The following RCC1 variants were observed in gnomAD, a reference collection of about 807,000 sequenced individuals.
RCC1 encodes regulator of chromosome condensation 1.
Under a neutral mutation model 44.4 loss-of-function variants are expected in RCC1, and 11 were observed. The observed-to-expected ratio is 0.25, with a 90% CI of 0.16 to 0.41. RCC1 has a LOEUF of 0.41. Among genes scored for constraint, RCC1 ranks in the 10% least tolerant of loss-of-function variants. The pLI is 1.00. For synonymous variants in RCC1, 213 were observed against 216.5 expected (o/e 0.98, Z 0.14); for missense variants, 386 against 547.1 (o/e 0.71, Z 2.94).
At chr1:28,532,863 T>C (rs901873526) in intron 7 of RCC1, 1 of 385,014 alleles carries the variant, frequency 2.6e-6, no homozygotes, top group Non-Finnish European at 5.2e-6. Context: ...TTGCCCAGGC[T>C]GGAGTGCAAT....
intron 7 of RCC1, among the ~76,000 whole-genome samples, chr1:28,533,770 C>CAAA (rs747565890): frequency 3.1e-5 from 1 of 31,970 alleles, no homozygotes; most frequent in Admixed American, 5.7e-4. Context: ...AACTCTGTCT[C>CAAA]AAAAAAAAAA....
chr1:28,535,569 TTCA>T, intron 9 of RCC1, 189 bp downstream of exon 9: 2 of 918,212 alleles, frequency 2.2e-6, no homozygotes, highest in Non-Finnish European at 3.4e-6. Context: ...ACATAGTTTC[TTCA>T]TCACTAAGTC....
chr1:28,530,695 G>A, intron 5 of RCC1: 1 of 1,228,258 alleles, frequency 8.1e-7, no homozygotes, highest in Non-Finnish European at 1.1e-6. Context: ...GGAGGGGCTG[G>A]GCGCCATTGG....
intron 2 of RCC1, 83 bp downstream of exon 2, chr1:28,508,243 TA>T (rs1662186347): frequency 2.5e-6 from 1 of 393,758 alleles, no homozygotes; most frequent in African/African-American, 2.1e-5. Flanking sequence ...AAGAGACTTT[TA>T]TTCTAGTTGG....
In RCC1 at chr1:28,532,315, G is replaced by T; in HGVS notation, c.406G>T (p.Asp136Tyr). The T allele has an allele frequency of 6.2e-7, 1 of 1,614,128 alleles. No homozygotes were observed. Among genetic ancestry groups the T allele is most frequent in the Non-Finnish European group, 8.5e-7 (1 of 1,180,032 alleles). Residue 136 changes from aspartate to tyrosine, a missense_variant, in exon 7 of 13, where the codon GAT becomes TAT. Physicochemically the swap from Asp to Tyr is radical, Grantham distance 160 (BLOSUM62 -3). Transcript: ENST00000683442. ...AGACAGTCACACAGCAGCCCTCACC[G>T]ATGATGGCCGTGTCTTCCTCTGGGG... ...AGDSHTAALT[D>Y]DGRVFLWGSF...
chr1:28,529,969 C>T, intron 5 of RCC1, 30 bp downstream of exon 5: 5 of 1,576,932 alleles, frequency 3.2e-6, no homozygotes, highest in East Asian at 2.3e-5. Context: ...TTTGTGGGTA[C>T]AGGTGGCCCC....
intron 2 of RCC1, chr1:28,508,574 T>C (rs1168185308): frequency 1.9e-6 from 1 of 518,568 alleles, no homozygotes; most frequent in African/African-American, 1.9e-5. Flanking sequence ...GTGGATACCC[T>C]GGGAGGTCAC....
At chr1:28,509,743 A>C (rs1662357127) in intron 3 of RCC1, 1 of 152,118 alleles carries the variant, frequency 6.6e-6, no homozygotes, top group African/African-American at 2.4e-5. Flanking sequence ...AGGCCCTGAA[A>C]CCTAGTCTCA....
intron 3 of RCC1, chr1:28,509,893 G>GGA: frequency 6.6e-6 from 1 of 152,312 alleles, no homozygotes; most frequent in Admixed American, 6.5e-5. Flanking sequence ...GTGTAGTGGA[G>GGA]GAAAAATCGA....
intron 3 of RCC1, among the ~76,000 whole-genome samples, chr1:28,512,041 CT>C (rs1662584038): frequency 7.0e-6 from 1 of 142,236 alleles, no homozygotes; most frequent in Admixed American, 7.5e-5. Flanking sequence ...GTGGCGTGAT[CT>C]CAGCTCACTG....
intron 5 of RCC1, chr1:28,530,426 C>A: frequency 8.6e-7 from 1 of 1,157,134 alleles, no homozygotes; most frequent in South Asian, 1.4e-5. Context: ...TTCCTCTGTC[C>A]TGGGACCCCG....
intron 1 of RCC1, chr1:28,507,739 T>C: frequency 2.9e-6 from 1 of 346,288 alleles, no homozygotes; most frequent in South Asian, 2.2e-5. Flanking sequence ...CCTGAGTAGC[T>C]GGGATTACAG....
At chr1:28,528,844 CTTTTTTTTT>C (rs59005617) in intron 4 of RCC1, among the ~76,000 whole-genome samples, 1 of 87,228 alleles carries the variant, frequency 1.1e-5, no homozygotes, top group Non-Finnish European at 2.1e-5. Context: ...GTTTTTCTTC[CTTTTTTTTT>C]TTTTTTTTTT....
chr1:28,518,204 C>G (rs916108082), intron 4 of RCC1: 14 of 151,892 alleles, frequency 9.2e-5, no homozygotes, highest in African/African-American at 3.4e-4. Context: ...CTTTGTTTTC[C>G]TTTCTCACCC....
chr1:28,529,483 C>T (rs916606663), intron 4 of RCC1, among the ~76,000 whole-genome samples: 3 of 152,004 alleles, frequency 2.0e-5, no homozygotes, highest in Admixed American at 1.3e-4. Context: ...CACACCTGGC[C>T]GTCTGTTTTT....
chr1:28,534,947 C>T lies in RCC1; in HGVS notation c.442-103C>T. 3.5e-6 allele frequency: 3 copies of T among 847,666 alleles called. No homozygotes were observed. The Admixed American group carries it at 5.2e-5, about 15-fold the overall frequency. The allele number at this position is 847,666 out of a possible 1,614,324, so 52.5% of individuals were successfully genotyped here. ...AAGTATTTGAGTATGTGGCCTGGCT[C>T]CTGCCCACTTCTCCATCCCCATCTG... On this transcript the variant is annotated intron_variant, in intron 7 of 12. Transcript: ENST00000683442.
In RCC1 at chr1:28,526,335, T is replaced by C. The variant is rs7529403; in HGVS notation, c.-9-3523T>C. On this transcript the variant is annotated intron_variant, in intron 4 of 12. Transcript: ENST00000683442. ...CAAAAACAAGTACTTGATGACTCCA[T>C]TGGGGTCAATTATGAAGAGACCTCT... 1,462 of 325,204 alleles carry C rather than the reference T, an allele frequency of 4.5e-3. 21 individuals are homozygous for C. The highest frequency in any genetic ancestry group is 0.03 in the African/African-American group (1,373 of 45,930). 20.1% of individuals were successfully genotyped at this position (325,204 alleles called of 1,614,324 possible). A position where few individuals can be genotyped will look rare whatever the true frequency, so the allele number is the denominator to read the frequency against.
At chr1:28,515,828 C>T (rs12077618) in intron 3 of RCC1, among the ~76,000 whole-genome samples, 40,140 of 151,998 alleles carry the variant, frequency 0.26, 5,450 homozygotes, top group Middle Eastern at 0.35. Context: ...GGGCAGGTCA[C>T]CTGAGGTCGG....
chr1:28,534,544 G>C (rs946889890), intron 7 of RCC1, among the ~76,000 whole-genome samples: 6 of 152,116 alleles, frequency 3.9e-5, no homozygotes, highest in African/African-American at 1.4e-4. Flanking sequence ...CAATGGCATC[G>C]TCTTAGCTCA....
Sources: allele counts gnomAD v4.1 joint callset (sites outside exome capture counted in the v4.1 genomes callset), GRCh38; gene constraint gnomAD v4.1.1; transcripts MANE v1.5; gene names NCBI Gene and HGNC (gene_info 2026-07-23, HGNC 2026-07-21).